The following GNAO1 variants were observed in gnomAD, a reference collection of about 807,000 sequenced individuals.
GNAO1 encodes G protein subunit alpha o1.
For synonymous variants in GNAO1, 164 were observed against 180.7 expected, an observed-to-expected ratio of 0.91 and a Z score of 0.74; for missense variants, 166 against 478.7, an observed-to-expected ratio of 0.35 and a Z score of 6.10.
intron 4 of GNAO1, 70 bp downstream of exon 4, chr16:56,328,861 G>A: frequency 6.7e-7 from 1 of 1,500,836 alleles, no homozygotes. Context: ...CTGGTGATGG[G>A]GATTGGCAGA....
At chr16:56,244,835 C>T (rs1460046630) in intron 2 of GNAO1, among the ~76,000 whole-genome samples, 2 of 152,092 alleles carry the variant, frequency 1.3e-5, no homozygotes, top group Non-Finnish European at 2.9e-5. Context: ...GCTCAGAGTC[C>T]ACCACCGCTT....
chr16:56,245,136 A>G (rs777621397), intron 2 of GNAO1, among the ~76,000 whole-genome samples: 5 of 151,778 alleles, frequency 3.3e-5, no homozygotes, highest in Non-Finnish European at 5.9e-5. Flanking sequence ...TATTTTATAG[A>G]TAAAAAAAAA....
rs8063830 is a variant in GNAO1 at position 56,289,446 on chromosome 16, C to T, written c.303+13374C>T. On this transcript the variant is annotated intron_variant, in intron 3 of 8. Transcript: ENST00000262493. Reference sequence around the variant, plus strand: ...GGTGTGGACTGGCACACATGGGCCACGGAGCCATCGGGGTGAAGACACTAA... The same window carrying T: ...GGTGTGGACTGGCACACATGGGCCATGGAGCCATCGGGGTGAAGACACTAA... Among the ~76,000 whole-genome samples, 1,083 of 152,270 alleles carry T rather than the reference C, an allele frequency of 7.1e-3. 17 individuals carry two copies. The highest frequency in any genetic ancestry group is 0.025 in the African/African-American group (1,034 of 41,526).
At chr16:56,204,624 G>A (rs1347043796) in intron 2 of GNAO1, among the ~76,000 whole-genome samples, 2 of 152,224 alleles carry the variant, frequency 1.3e-5, no homozygotes, top group Non-Finnish European at 2.9e-5. Flanking sequence ...GGCGAGCAGG[G>A]TTCTGTTTCA....
At chr16:56,332,474 G>T (rs189847155) in intron 4 of GNAO1, among the ~76,000 whole-genome samples, 1 of 152,220 alleles carries the variant, frequency 6.6e-6, no homozygotes, top group Non-Finnish European at 1.5e-5. Flanking sequence ...ATCACTAATA[G>T]CCTGATTCGT....
At chr16:56,273,427 A>T (rs2037035472) in intron 2 of GNAO1, among the ~76,000 whole-genome samples, 1 of 151,990 alleles carries the variant, frequency 6.6e-6, no homozygotes, top group Non-Finnish European at 1.5e-5. Flanking sequence ...ATTCCCTTCA[A>T]TTTCTTAGAA....
At chr16:56,217,069 A>G (rs1349974946) in intron 2 of GNAO1, among the ~76,000 whole-genome samples, 2 of 152,142 alleles carry the variant, frequency 1.3e-5, no homozygotes, top group African/African-American at 4.8e-5. Flanking sequence ...ACAGACAAAA[A>G]CTGAACAGAT....
intron 3 of GNAO1, among the ~76,000 whole-genome samples, chr16:56,277,630 A>G (rs1311685733): frequency 6.6e-6 from 1 of 152,156 alleles, no homozygotes; most frequent in Admixed American, 6.5e-5. Flanking sequence ...AACTCATTTT[A>G]TTACAGCCCA....
At chr16:56,211,761 C>T (rs2036390764) in intron 2 of GNAO1, among the ~76,000 whole-genome samples, 1 of 152,220 alleles carries the variant, frequency 6.6e-6, no homozygotes, top group Non-Finnish European at 1.5e-5. Context: ...TGCTTCCCAG[C>T]ACCCCCTCCC....
intron 2 of GNAO1, among the ~76,000 whole-genome samples, chr16:56,237,181 A>G (rs544013889): frequency 6.6e-6 from 1 of 152,322 alleles, no homozygotes; most frequent in African/African-American, 2.4e-5. Context: ...CATGCTATCA[A>G]CCAGTGCAAA....
intron 6 of GNAO1, chr16:56,347,444 C>T: frequency 2.0e-6 from 2 of 985,632 alleles, no homozygotes; most frequent in Non-Finnish European, 2.4e-6. Context: ...TCCCCATCTC[C>T]CACCCCTCAG....
chr16:56,310,160 A>AG (rs1371110626), intron 3 of GNAO1, among the ~76,000 whole-genome samples: 2 of 151,784 alleles, frequency 1.3e-5, no homozygotes, highest in African/African-American at 4.8e-5. Context: ...AAAAAAAGAA[A>AG]GAAAAAAAAA....
intron 3 of GNAO1, among the ~76,000 whole-genome samples, chr16:56,290,011 G>A (rs1310682562): frequency 6.6e-6 from 1 of 152,134 alleles, no homozygotes; most frequent in East Asian, 1.9e-4. Flanking sequence ...TGGCATCTTT[G>A]CTCTCAGGAT....
At chr16:56,347,933 G>T in intron 6 of GNAO1, 1 of 934,072 alleles carries the variant, frequency 1.1e-6, no homozygotes, top group Non-Finnish European at 1.3e-6. Context: ...CCCCTGCTGA[G>T]TATCTTCTTC....
intron 2 of GNAO1, among the ~76,000 whole-genome samples, chr16:56,202,959 C>T (rs1436879516): frequency 6.6e-6 from 1 of 152,162 alleles, no homozygotes; most frequent in Admixed American, 6.5e-5. Context: ...GCAGTAATTG[C>T]AGACTGAAAG....
intron 3 of GNAO1, among the ~76,000 whole-genome samples, chr16:56,284,381 T>C (rs965083345): frequency 1.3e-5 from 2 of 152,132 alleles, no homozygotes; most frequent in Non-Finnish European, 2.9e-5. Flanking sequence ...GCATCCACCA[T>C]CTAAGCCCTG....
chr16:56,300,717 A>AT (rs1440876106), intron 3 of GNAO1: 1 of 152,166 alleles, frequency 6.6e-6, no homozygotes, highest in African/African-American at 2.4e-5. Flanking sequence ...AAAAAATAAT[A>AT]TTTTTTAAAA....
chr16:56,203,560 A>G lies in GNAO1; in HGVS notation c.161+10944A>G, dbSNP rs1367906474. ...GAGGCTTTGGGAGACTGGAGGACAA[A>G]AGAGAGAATGGAGAGAAGAAACACA... is the stretch of plus-strand genomic sequence containing the variant. On this transcript the variant is annotated intron_variant, in intron 2 of 8. Transcript: ENST00000262493. Among the ~76,000 whole-genome samples the G allele has an allele frequency of 2.6e-5, 4 of 152,224 alleles. No individual in the cohort carries two copies. The East Asian group carries it at 7.8e-4, about 30-fold the overall frequency.
At chr16:56,243,123 A>G (rs2036710349) in intron 2 of GNAO1, among the ~76,000 whole-genome samples, 3 of 151,814 alleles carry the variant, frequency 2.0e-5, no homozygotes. Context: ...AGACGGGACC[A>G]TCTAGTTGCA....
Sources: allele counts gnomAD v4.1 joint callset (sites outside exome capture counted in the v4.1 genomes callset), GRCh38; gene constraint gnomAD v4.1.1; transcripts MANE v1.5; gene names NCBI Gene and HGNC (gene_info 2026-07-23, HGNC 2026-07-21).